Variants in AKT3 observed in about 807,000 individuals in gnomAD.
AKT3 encodes AKT serine/threonine kinase 3.
Under a neutral mutation model 65.3 loss-of-function variants are expected in AKT3, and 15 were observed. The ratio of observed to expected loss-of-function variants is 0.23; its 90% CI spans 0.15 to 0.35. The LOEUF (loss-of-function observed/expected upper bound fraction) is 0.35. Among genes scored for constraint, AKT3 ranks in the 10% least tolerant of loss-of-function variants. The pLI, the probability that AKT3 is intolerant of heterozygous loss-of-function variation, is 1.00. For synonymous variants in AKT3, 206 were observed against 183.8 expected (o/e 1.12, Z -0.98); for missense variants, 243 against 576.5 (o/e 0.42, Z 5.92).
chr1:243,497,246 C>T (rs1668162008), downstream of AKT3, among the ~76,000 whole-genome samples: 2 of 148,320 alleles, frequency 1.3e-5, no homozygotes, highest in East Asian at 2.0e-4. Flanking sequence ...CAAATGGAGG[C>T]GACAAAACGG....
At chr1:243,836,169 A>G (rs1694877044) in intron 2 of AKT3, among the ~76,000 whole-genome samples, 1 of 152,158 alleles carries the variant, frequency 6.6e-6, no homozygotes. Flanking sequence ...AATACAAAAC[A>G]AAGACTAAAT....
chr1:243,814,170 T>C (rs1019084314), intron 2 of AKT3, among the ~76,000 whole-genome samples: 1 of 152,188 alleles, frequency 6.6e-6, no homozygotes, highest in Non-Finnish European at 1.5e-5. Context: ...ACACAATACA[T>C]TCAGCTTTTC....
At chr1:243,598,106 T>C (rs536856481) in intron 8 of AKT3, among the ~76,000 whole-genome samples, 1 of 152,324 alleles carries the variant, frequency 6.6e-6, no homozygotes, top group South Asian at 2.1e-4. Context: ...CAGTACACCA[T>C]ATCTTTGCAT....
intron 2 of AKT3, among the ~76,000 whole-genome samples, chr1:243,725,917 T>C (rs1687179672): frequency 6.6e-6 from 1 of 152,132 alleles, no homozygotes; most frequent in Non-Finnish European, 1.5e-5. Context: ...CACAGAAAGG[T>C]GTTTATACAC....
intron 6 of AKT3, among the ~76,000 whole-genome samples, chr1:243,623,871 C>T (rs185183437): frequency 3.7e-4 from 56 of 152,224 alleles, no homozygotes; most frequent in Non-Finnish European, 7.1e-4. Flanking sequence ...GTCTGTCTCT[C>T]TGGAGATCCT....
chr1:243,810,011 T>A (rs1266918556), intron 2 of AKT3, among the ~76,000 whole-genome samples: 1 of 152,160 alleles, frequency 6.6e-6, no homozygotes, highest in African/African-American at 2.4e-5. Context: ...CATACCAGAA[T>A]CTCTGGGACA....
chr1:243,512,509 A>C, intron 12 of AKT3, 83 bp from the exon 13 acceptor site: 2 of 818,698 alleles, frequency 2.4e-6, no homozygotes, highest in Non-Finnish European at 3.9e-6. Context: ...GAGAGCACGT[A>C]GTTAAATGAA....
chr1:243,673,038 G>A (rs1220816074), intron 3 of AKT3, among the ~76,000 whole-genome samples: 1 of 152,186 alleles, frequency 6.6e-6, no homozygotes, highest in Non-Finnish European at 1.5e-5. Context: ...AATTAGGCAT[G>A]TTGGTTTTTT....
At chr1:243,810,485 G>C (rs951086268) in intron 2 of AKT3, among the ~76,000 whole-genome samples, 5 of 152,148 alleles carry the variant, frequency 3.3e-5, no homozygotes, top group African/African-American at 1.2e-4. Flanking sequence ...GGAAGAAGTT[G>C]AATCTCTGAA....
chr1:243,702,538 TTGGTTGTTA>T (rs1326274502), intron 2 of AKT3, among the ~76,000 whole-genome samples: 3 of 152,178 alleles, frequency 2.0e-5, no homozygotes, highest in African/African-American at 4.8e-5. Context: ...AGTATTTGAT[TTGGTTGTTA>T]GCAAGTGATA....
intron 11 of AKT3, among the ~76,000 whole-genome samples, chr1:243,547,830 C>A (rs1273245493): frequency 6.6e-6 from 1 of 152,064 alleles, no homozygotes; most frequent in African/African-American, 2.4e-5. Context: ...TAATTCCCAC[C>A]AGCTGGGTCT....
chr1:243,848,482 G>T (rs569555902), intron 1 of AKT3, among the ~76,000 whole-genome samples: 16 of 152,290 alleles, frequency 1.1e-4, no homozygotes, highest in Non-Finnish European at 2.1e-4. Flanking sequence ...AAGTTCTGAA[G>T]ACTAATCTTC....
At chr1:243,776,475 C>T (rs1690555646) in intron 2 of AKT3, among the ~76,000 whole-genome samples, 1 of 152,134 alleles carries the variant, frequency 6.6e-6, no homozygotes, top group Non-Finnish European at 1.5e-5. Context: ...CCCAAAAGAG[C>T]TTGCTCACTC....
At chr1:243,783,936 CTGT>C (rs2148316984) in intron 2 of AKT3, among the ~76,000 whole-genome samples, 1 of 152,106 alleles carries the variant, frequency 6.6e-6, no homozygotes, top group African/African-American at 2.4e-5. Context: ...CAAAAAATAC[CTGT>C]TGAATGCTAA....
chr1:243,514,011 GTTTT>G (rs999278690), intron 12 of AKT3, among the ~76,000 whole-genome samples: 1 of 151,866 alleles, frequency 6.6e-6, no homozygotes, highest in African/African-American at 2.4e-5. Flanking sequence ...GAACAATTTT[GTTTT>G]TTTTATTTTT....
intron 4 of AKT3, among the ~76,000 whole-genome samples, chr1:243,648,420 A>T (rs1204872404): frequency 6.6e-6 from 1 of 152,146 alleles, no homozygotes; most frequent in Non-Finnish European, 1.5e-5. Context: ...TTCTTGGGAG[A>T]AGCTCCATTT....
rs74654628 is a variant in AKT3, at chr1:243,809,663, C to T, written c.46+33462G>A. 1.1e-3 allele frequency among the ~76,000 whole-genome samples: 160 copies of T among 152,298 alleles called. 1 individual carries two copies. Among genetic ancestry groups the T allele is most frequent in the African/African-American group, 3.8e-3 (157 of 41,564 alleles). ...AACAAGGATATCCAGGAATTAAACT[C>T]AGCGCTGCACCAAGCAGACCTAATA... On this transcript the variant is annotated intron_variant, in intron 2 of 13. Transcript: ENST00000673466.
chr1:243,497,111 G>A (rs1288690373), downstream of AKT3, among the ~76,000 whole-genome samples: 3 of 152,192 alleles, frequency 2.0e-5, no homozygotes, highest in African/African-American at 7.2e-5. Context: ...TGATCACTGT[G>A]GTGTTGATGA....
At chr1:243,666,660 T>C (rs767207846) in intron 3 of AKT3, among the ~76,000 whole-genome samples, 1 of 152,224 alleles carries the variant, frequency 6.6e-6, no homozygotes, top group Non-Finnish European at 1.5e-5. Context: ...CCTCGACTTA[T>C]GACTGTGTTA....
Sources: allele counts gnomAD v4.1 joint callset (sites outside exome capture counted in the v4.1 genomes callset), GRCh38; gene constraint gnomAD v4.1.1; transcripts MANE v1.5; gene names NCBI Gene and HGNC (gene_info 2026-07-23, HGNC 2026-07-21).